The following MIA2 variants were observed in gnomAD, a reference collection of about 807,000 sequenced individuals.
The protein encoded by MIA2 is MIA SH3 domain ER export factor 2, also known as melanoma inhibitory activity protein 2.
In MIA2, 127 loss-of-function variants were observed where a neutral mutation model predicts 167.8. The ratio of observed to expected loss-of-function variants is 0.76; its 90% CI spans 0.66 to 0.88. MIA2 has a LOEUF of 0.88. Ranked by LOEUF, MIA2 falls within the 40% of genes least tolerant of loss-of-function variation. The pLI, the probability that MIA2 is intolerant of heterozygous loss-of-function variation, is 0.00. For synonymous variants in MIA2, 552 were observed against 541.9 expected (o/e 1.02, Z -0.26); for missense variants, 1,690 against 1,624.7 (o/e 1.04, Z -0.69).
chr14:39,375,449 A>C (rs2139339088), intron 23 of MIA2, among the ~76,000 whole-genome samples: 1 of 152,290 alleles, frequency 6.6e-6, no homozygotes. Context: ...TAATCCCAGC[A>C]CTTTGGGAGG....
At chr14:39,358,244 G>T (rs2074582201) in intron 23 of MIA2, among the ~76,000 whole-genome samples, 1 of 152,174 alleles carries the variant, frequency 6.6e-6, no homozygotes, top group African/African-American at 2.4e-5. Flanking sequence ...TGGAGGCTTT[G>T]TTCGTTTCTT....
chr14:39,247,395 C>G lies in MIA2; in HGVS notation c.821C>G (p.Thr274Arg). Residue 274 changes from threonine to arginine, a missense_variant, in exon 4 of 29, where the codon ACA becomes AGA. Coordinates refer to ENST00000640607, the MANE Select transcript of MIA2 (RefSeq NM_001329214.4). Reference sequence around the variant, plus strand: ...GAATTAAATAATGGTGAGCCTCAAACAGAACATCAGCAAGAATCTGAATCA... The same window carrying G: ...GAATTAAATAATGGTGAGCCTCAAAGAGAACATCAGCAAGAATCTGAATCA... Reference protein sequence around the residue: ...LEELNNGEPQTEHQQESESEI... With the variant: ...LEELNNGEPQREHQQESESEI... 2 of 1,614,094 alleles carry G rather than the reference C, an allele frequency of 1.2e-6. No individual in the cohort carries two copies. Among genetic ancestry groups the G allele is most frequent in the Non-Finnish European group, 1.7e-6 (2 of 1,180,012 alleles).
At position 39,236,613 on chromosome 14, in the gene MIA2, T is replaced by C. The variant is rs147159689; in HGVS notation, c.116-309T>C. Among the ~76,000 whole-genome samples the C allele has an allele frequency of 7.9e-5, 12 of 152,344 alleles. No homozygotes were observed. The East Asian group carries it at 2.3e-3, about 29-fold the overall frequency. On this transcript the variant is annotated intron_variant, in intron 1 of 28. Coordinates refer to ENST00000640607, the MANE Select transcript of MIA2 (RefSeq NM_001329214.4). ...TCCTTTCCTACAGACTAGAGAATGATAATGATATGTTCTAGGGACAATGGA... is the reference window on the plus strand; with the variant it reads ...TCCTTTCCTACAGACTAGAGAATGACAATGATATGTTCTAGGGACAATGGA...
intron 23 of MIA2, among the ~76,000 whole-genome samples, chr14:39,379,292 C>T (rs1208364511): frequency 6.6e-6 from 1 of 152,092 alleles, no homozygotes; most frequent in Non-Finnish European, 1.5e-5. Context: ...CTCTCAAAAT[C>T]AGCCCTTACC....
chr14:39,248,277 A>G, intron 4 of MIA2, 136 bp downstream of exon 4: 1 of 608,652 alleles, frequency 1.6e-6, no homozygotes, highest in Non-Finnish European at 2.4e-6. Flanking sequence ...TTTCCAGTTT[A>G]CTCTGGAATT....
rs77009712 is a variant in MIA2 at position 39,280,399 on chromosome 14, A to G, written c.2130+862A>G. Among the ~76,000 whole-genome samples the G allele has an allele frequency of 6.6e-5, 10 of 152,010 alleles. 1 individual carries two copies. In the East Asian group the frequency reaches 1.9e-3, roughly 29 times the overall value. On this transcript the variant is annotated intron_variant, in intron 9 of 28. Coordinates refer to ENST00000640607, the MANE Select transcript of MIA2 (RefSeq NM_001329214.4). ...TTCATAAGTAGTAGTGGAATTGGTA[A>G]GTCATTAGGGCATTAGGGCAGGTAT...
At position 39,325,462 on chromosome 14, in the gene MIA2, A is replaced by G. The variant is rs376900149; in HGVS notation, c.3497-1402A>G. Among the ~76,000 whole-genome samples, 22 of 143,864 alleles carry G rather than the reference A, an allele frequency of 1.5e-4. No individual in the cohort carries two copies. In the South Asian group the frequency reaches 4.4e-3, roughly 29 times the overall value. 94.4% of individuals were successfully genotyped at this position (143,864 alleles called of 152,430 possible). On this transcript the variant is annotated intron_variant, in intron 24 of 28. Coordinates refer to ENST00000640607, the MANE Select transcript of MIA2 (RefSeq NM_001329214.4). Reference sequence around the variant, plus strand: ...GGCTCACTGCAACCTCCTCCTCCTGAGTTCAAGCCATTCTTCTGCCTCAGC... The same window carrying G: ...GGCTCACTGCAACCTCCTCCTCCTGGGTTCAAGCCATTCTTCTGCCTCAGC...
downstream of MIA2, among the ~76,000 whole-genome samples, chr14:39,355,579 C>T (rs548482798): frequency 4.1e-4 from 62 of 152,160 alleles, no homozygotes; most frequent in African/African-American, 1.3e-3. Context: ...GCCGGAACTT[C>T]GAACACTGTG....
Position 39,343,593 on chromosome 14 carries a change from ATT to A in MIA2, c.3656-2305_3656-2304del, listed in dbSNP as rs568688542. Among the ~76,000 whole-genome samples, 2 of 151,890 alleles carry A rather than the reference ATT, an allele frequency of 1.3e-5. 1 individual carries two copies. The highest frequency in any genetic ancestry group is 4.8e-5 in the African/African-American group (2 of 41,354). On this transcript the variant is annotated intron_variant, in intron 25 of 28. Transcript: ENST00000640607. Reference sequence around the variant, plus strand: ...GTACACTTATTCCCACTCCTTATTCATTTTTTTCTTATCTTTTTTTCTTCCAT... The same window carrying A: ...GTACACTTATTCCCACTCCTTATTCATTTTTCTTATCTTTTTTTCTTCCAT...
chr14:39,317,999 A>G lies in MIA2; in HGVS notation c.3272A>G (p.His1091Arg), dbSNP rs755149963. 3.8e-6 allele frequency: 6 copies of G among 1,582,410 alleles called. No homozygotes were observed. The highest frequency in any genetic ancestry group is 3.6e-5 in the South Asian group (3 of 83,204). Reference protein sequence around the residue: ...NLNDLRKENAHNRQKLTETEL... With the variant: ...NLNDLRKENARNRQKLTETEL... ...AATGATTTAAGGAAAGAAAATGCTC[A>G]CAACAGACAAAAGTAAGTATCTTAG... is the stretch of plus-strand genomic sequence containing the variant. Residue 1091 changes from histidine (H) to arginine (R), a missense_variant, in exon 22 of 29, where the codon CAC (histidine) becomes CGC (arginine). Physicochemically the swap from His to Arg is conservative, Grantham distance 29. Transcript: ENST00000640607.
At chr14:39,273,203 G>A (rs530733823) in intron 6 of MIA2, among the ~76,000 whole-genome samples, 18 of 149,816 alleles carry the variant, frequency 1.2e-4, no homozygotes, top group African/African-American at 3.7e-4. Context: ...TTGATAGAGC[G>A]GACATTATTG....
chr14:39,348,502 T>C (rs1190931848), intron 27 of MIA2, among the ~76,000 whole-genome samples: 1 of 152,234 alleles, frequency 6.6e-6, no homozygotes, highest in Non-Finnish European at 1.5e-5. Context: ...GTTTTATCTT[T>C]AGCCAGACTG....
intron 13 of MIA2, among the ~76,000 whole-genome samples, chr14:39,299,109 T>G (rs951576822): frequency 6.0e-5 from 9 of 149,226 alleles, no homozygotes; most frequent in Non-Finnish European, 1.0e-4. Flanking sequence ...AAATAATTCC[T>G]TTCTAGTTAT....
rs147312466 is a variant in MIA2 at position 39,385,542 on chromosome 14, C to T, written c.2249-1343C>T. The T allele has an allele frequency of 1.6e-4, 130 of 829,940 alleles. 3 individuals carry two copies. In the East Asian group the frequency reaches 2.6e-3, roughly 16 times the overall value. The allele number at this position is 829,940 out of a possible 1,614,324, so 51.4% of individuals were successfully genotyped here. A position where few individuals can be genotyped will look rare whatever the true frequency, so the allele number is the denominator to read the frequency against. ...CTGTTCCATTTTCATTGTGATAAAC[C>T]AAATCAAATTTCCCAGGTTCTCTCA... On this transcript the variant is annotated intron_variant, in intron 23 of 23. Transcript: ENST00000341502.
chr14:39,313,498 T>G, intron 19 of MIA2, 57 bp downstream of exon 19: 1 of 924,438 alleles, frequency 1.1e-6, no homozygotes, highest in Non-Finnish European at 1.6e-6. Context: ...TCTAAAAAAC[T>G]TAATGCCAGA....
intron 19 of MIA2, among the ~76,000 whole-genome samples, chr14:39,314,011 A>AG (rs2064858588): frequency 6.6e-6 from 1 of 152,224 alleles, no homozygotes; most frequent in Admixed American, 6.5e-5. Flanking sequence ...ATCCAAAATA[A>AG]GTTATCTTGT....
Position 39,240,601 on chromosome 14 carries a change from A to T in MIA2, c.290A>T (p.Gln97Leu). 1 of 1,613,440 alleles carries T rather than the reference A, an allele frequency of 6.2e-7. No homozygotes were observed. The highest frequency in any genetic ancestry group is 8.5e-7 in the Non-Finnish European group (1 of 1,179,520). Reference sequence around the variant, plus strand: ...GGATATTTTCCCAGAGATGCAGTCCAGATTGAAGAGGTGTTCATATCTGAG... The same window carrying T: ...GGATATTTTCCCAGAGATGCAGTCCTGATTGAAGAGGTGTTCATATCTGAG... Reference protein sequence around the residue: ...EFGYFPRDAVQIEEVFISEEI... With the variant: ...EFGYFPRDAVLIEEVFISEEI... The change falls in exon 3 of 29, where the codon CAG becomes CTG. Residue 97 changes from glutamine to leucine, a missense_variant. By Grantham distance (113) the Gln-to-Leu change is moderately radical. Coordinates refer to ENST00000640607, the MANE Select transcript of MIA2 (RefSeq NM_001329214.4).
chr14:39,238,793 C>CAAAAAAAAAAAAAAAAAAAAAAA (rs769534317), intron 2 of MIA2, among the ~76,000 whole-genome samples: 434 of 30,704 alleles, frequency 0.014, 47 homozygotes, highest in East Asian at 0.024. Flanking sequence ...GACCCTGTCT[C>CAAAAAAAAAAAAAAAAAAAAAAA]AAAAAAAAAA....
At chr14:39,283,131 C>T (rs565012436) in intron 9 of MIA2, among the ~76,000 whole-genome samples, 5 of 152,200 alleles carry the variant, frequency 3.3e-5, no homozygotes, top group South Asian at 2.1e-4. Flanking sequence ...TTTCTTTATT[C>T]GTTTGTTCAT....
Sources: allele counts gnomAD v4.1 joint callset (sites outside exome capture counted in the v4.1 genomes callset), GRCh38; gene constraint gnomAD v4.1.1; transcripts MANE v1.5; gene names NCBI Gene and HGNC (gene_info 2026-07-23, HGNC 2026-07-21).